The following CDIN1 variants were observed in gnomAD, a reference collection of about 807,000 sequenced individuals.
CDIN1 encodes CDAN1 interacting nuclease 1.
A neutral mutation model predicts 45.3 loss-of-function variants in CDIN1; 33 were observed. The ratio of observed to expected loss-of-function variants is 0.73; its 90% CI spans 0.55 to 0.97. The LOEUF (loss-of-function observed/expected upper bound fraction) is 0.97. Among genes scored for constraint, CDIN1 ranks in the 50% least tolerant of loss-of-function variants. CDIN1 has a pLI of 0.00. For missense variants in CDIN1, 303 were observed against 339.4 expected, an observed-to-expected ratio of 0.89 and a Z score of 0.84; for synonymous variants, 118 against 124.4, an observed-to-expected ratio of 0.95 and a Z score of 0.34.
chr15:36,768,322 T>C (rs1280013879), intron 10 of CDIN1, among the ~76,000 whole-genome samples: 2 of 152,336 alleles, frequency 1.3e-5, no homozygotes, highest in East Asian at 1.9e-4. Context: ...ATCAGACCTC[T>C]TCTCTGGGCC....
chr15:36,741,117 C>G (rs776954580), intron 10 of CDIN1, among the ~76,000 whole-genome samples: 5 of 152,112 alleles, frequency 3.3e-5, no homozygotes, highest in Admixed American at 6.5e-5. Context: ...AAAGAATTTA[C>G]TGTGATGGCC....
chr15:36,639,545 G>A (rs12593025), intron 1 of CDIN1, among the ~76,000 whole-genome samples: 67,188 of 151,854 alleles, frequency 0.44, 15,174 homozygotes, highest in East Asian at 0.64. Context: ...CCGAGACTGC[G>A]CCACTGTACT....
At chr15:36,630,555 A>G (rs1444552909) in intron 1 of CDIN1, among the ~76,000 whole-genome samples, 1 of 152,176 alleles carries the variant, frequency 6.6e-6, no homozygotes, top group East Asian at 1.9e-4. Context: ...TGACAATACA[A>G]CTGTTGATGC....
At chr15:36,779,765 A>T (rs931495118) in intron 10 of CDIN1, among the ~76,000 whole-genome samples, 5 of 152,186 alleles carry the variant, frequency 3.3e-5, no homozygotes, top group Non-Finnish European at 7.3e-5. Context: ...ACAAAATTGC[A>T]GTTTCTTTTC....
intron 10 of CDIN1, chr15:36,747,324 T>C (rs1437204991): frequency 4.5e-6 from 1 of 222,408 alleles, no homozygotes; most frequent in East Asian, 8.9e-5. Flanking sequence ...AAGCATTTAT[T>C]TGCAGCTGCA....
At chr15:36,755,993 T>C in intron 10 of CDIN1, 2 of 451,520 alleles carry the variant, frequency 4.4e-6, no homozygotes, top group Admixed American at 4.8e-5. Flanking sequence ...TGTGCCACAC[T>C]TACCAGGTCT....
At chr15:36,635,592 A>G (rs761414751) in intron 1 of CDIN1, among the ~76,000 whole-genome samples, 1 of 152,134 alleles carries the variant, frequency 6.6e-6, no homozygotes, top group Non-Finnish European at 1.5e-5. Context: ...AATGAGAGAT[A>G]CTCAGTTGCA....
intron 10 of CDIN1, among the ~76,000 whole-genome samples, chr15:36,753,850 A>G (rs986683996): frequency 2.0e-5 from 3 of 152,164 alleles, no homozygotes; most frequent in African/African-American, 4.8e-5. Context: ...ACTAAAAAGA[A>G]CATTTGTTAG....
At chr15:36,665,498 C>A (rs976578494) in intron 5 of CDIN1, among the ~76,000 whole-genome samples, 5 of 152,024 alleles carry the variant, frequency 3.3e-5, no homozygotes, top group Admixed American at 2.0e-4. Context: ...TTTCTCAACT[C>A]GTGAAGAAAA....
chr15:36,798,488 A>G (rs1162025053), intron 10 of CDIN1: 1 of 152,200 alleles, frequency 6.6e-6, no homozygotes, highest in African/African-American at 2.4e-5. Flanking sequence ...ATTTAGAGTG[A>G]GTTGGGATCT....
At chr15:36,612,005 T>G (rs1163182337) in intron 1 of CDIN1, among the ~76,000 whole-genome samples, 3 of 152,194 alleles carry the variant, frequency 2.0e-5, no homozygotes, top group Admixed American at 1.3e-4. Flanking sequence ...TGAGTTCACT[T>G]GGATAGAGTG....
intron 10 of CDIN1, among the ~76,000 whole-genome samples, chr15:36,739,627 C>T (rs1036717209): frequency 3.3e-5 from 5 of 152,150 alleles, no homozygotes; most frequent in Non-Finnish European, 5.9e-5. Flanking sequence ...AGGAAATGCA[C>T]ACTGTGACAC....
At chr15:36,649,271 G>A (rs370056835) in intron 3 of CDIN1, among the ~76,000 whole-genome samples, 1 of 152,280 alleles carries the variant, frequency 6.6e-6, no homozygotes, top group Non-Finnish European at 1.5e-5. Context: ...ACTCTTTGGG[G>A]TAGGGCTACA....
At chr15:36,733,532 G>C (rs916197947) in intron 10 of CDIN1, among the ~76,000 whole-genome samples, 1 of 151,772 alleles carries the variant, frequency 6.6e-6, no homozygotes, top group Non-Finnish European at 1.5e-5. Flanking sequence ...TGTGAATCGT[G>C]TACATACATT....
intron 10 of CDIN1, among the ~76,000 whole-genome samples, chr15:36,785,506 C>G (rs986039075): frequency 6.6e-6 from 1 of 152,118 alleles, no homozygotes; most frequent in Non-Finnish European, 1.5e-5. Flanking sequence ...GAGGCAGAAG[C>G]AAGGGCCTCT....
At chr15:36,774,139 T>C (rs1027200189) in intron 10 of CDIN1, among the ~76,000 whole-genome samples, 1 of 72,254 alleles carries the variant, frequency 1.4e-5, no homozygotes, top group East Asian at 5.9e-4. Flanking sequence ...CAGGGGTGTG[T>C]GTGTGTGTGT....
intron 1 of CDIN1, among the ~76,000 whole-genome samples, chr15:36,596,267 G>A (rs1188754335): frequency 6.6e-6 from 1 of 151,904 alleles, no homozygotes; most frequent in African/African-American, 2.4e-5. Context: ...TCCCTAGGAG[G>A]ATTCGACCTG....
At chr15:36,634,645 C>G (rs1232268216) in intron 1 of CDIN1, among the ~76,000 whole-genome samples, 1 of 151,688 alleles carries the variant, frequency 6.6e-6, no homozygotes, top group Non-Finnish European at 1.5e-5. Context: ...ATGTAGAAAG[C>G]CATCTCATCT....
chr15:36,802,779 GATACTTATATC>G (rs1315782164), intron 10 of CDIN1, among the ~76,000 whole-genome samples: 1 of 152,088 alleles, frequency 6.6e-6, no homozygotes, highest in Non-Finnish European at 1.5e-5. Context: ...TGAACAGAAA[GATACTTATATC>G]ATATTCTGTC....
Sources: allele counts gnomAD v4.1 joint callset (sites outside exome capture counted in the v4.1 genomes callset), GRCh38; gene constraint gnomAD v4.1.1; transcripts MANE v1.5; gene names NCBI Gene and HGNC (gene_info 2026-07-23, HGNC 2026-07-21).